ARHGEF4: variants seen among roughly 807,000 people sequenced by gnomAD.
ARHGEF4 encodes APC-stimulated guanine nucleotide exchange factor 1.
Under a neutral mutation model 162.0 loss-of-function variants are expected in ARHGEF4, and 119 were observed. That is an observed-to-expected ratio of 0.73 (90% CI 0.63 to 0.86). ARHGEF4 has a LOEUF of 0.86. Among genes scored for constraint, ARHGEF4 ranks in the 40% least tolerant of loss-of-function variants. ARHGEF4 has a pLI of 0.00. For synonymous variants in ARHGEF4, 1,014 were observed against 979.9 expected (o/e 1.03, Z -0.65); for missense variants, 2,488 against 2,456.0 (o/e 1.01, Z -0.28).
intron 4 of ARHGEF4, among the ~76,000 whole-genome samples, chr2:131,007,459 C>T (rs1378200434): frequency 6.6e-6 from 1 of 152,102 alleles, no homozygotes; most frequent in Non-Finnish European, 1.5e-5. Flanking sequence ...GTATTTTCCT[C>T]TTTTTTATTC....
chr2:130,912,517 T>G (rs1199392057), intron 1 of ARHGEF4, among the ~76,000 whole-genome samples: 1 of 152,224 alleles, frequency 6.6e-6, no homozygotes, highest in African/African-American at 2.4e-5. Context: ...TTGTTTTCCT[T>G]CTCTCAGTTA....
intron 1 of ARHGEF4, among the ~76,000 whole-genome samples, chr2:130,868,278 G>A (rs192522965): frequency 1.1e-4 from 16 of 152,170 alleles, no homozygotes; most frequent in African/African-American, 3.9e-4. Context: ...TCTCCTGGAC[G>A]TCTTTTCCTT....
At chr2:130,843,298 C>T (rs937172246) in intron 1 of ARHGEF4, among the ~76,000 whole-genome samples, 2 of 152,152 alleles carry the variant, frequency 1.3e-5, no homozygotes, top group African/African-American at 4.8e-5. Flanking sequence ...CAGGGAGCCA[C>T]CTACATCCTT....
At chr2:130,984,670 C>T (rs1431553040) in intron 4 of ARHGEF4, among the ~76,000 whole-genome samples, 2 of 142,680 alleles carry the variant, frequency 1.4e-5, no homozygotes, top group East Asian at 4.2e-4. Context: ...GCCTAGTTGA[C>T]AGAGCAAGGC....
At chr2:130,865,606 C>T (rs1682214484) in intron 1 of ARHGEF4, among the ~76,000 whole-genome samples, 1 of 152,186 alleles carries the variant, frequency 6.6e-6, no homozygotes, top group Admixed American at 6.5e-5. Context: ...CTCAGGACCC[C>T]CTGCGGTGCT....
intron 1 of ARHGEF4, among the ~76,000 whole-genome samples, chr2:130,862,749 T>C (rs1266666419): frequency 2.8e-4 from 15 of 52,834 alleles, no homozygotes; most frequent in East Asian, 1.6e-3. Flanking sequence ...GCACCTGTAA[T>C]CCCAGCTACT....
At chr2:130,977,555 T>C (rs1215057670) in intron 4 of ARHGEF4, among the ~76,000 whole-genome samples, 2 of 151,952 alleles carry the variant, frequency 1.3e-5, no homozygotes, top group African/African-American at 4.8e-5. Flanking sequence ...GTTCTGGGTT[T>C]TGTGTGTTGG....
intron 4 of ARHGEF4, among the ~76,000 whole-genome samples, chr2:130,961,535 A>G (rs1684618294): frequency 6.6e-6 from 1 of 152,170 alleles, no homozygotes. Context: ...AATCAGGCAG[A>G]ACATGCAGCA....
chr2:130,925,263 C>G (rs2105085753), intron 2 of ARHGEF4, among the ~76,000 whole-genome samples: 1 of 151,888 alleles, frequency 6.6e-6, no homozygotes, highest in East Asian at 1.9e-4. Context: ...TAATCAAGAC[C>G]ATGTAGTACT....
Position 130,969,376 on chromosome 2 carries a change from T to C in ARHGEF4, c.3985+22741T>C, listed in dbSNP as rs191546008. 1.1e-4 allele frequency among the ~76,000 whole-genome samples: 16 copies of C among 152,140 alleles called. No homozygotes were observed. The East Asian group carries it at 3.1e-3, about 29-fold the overall frequency. ...ACTTTGGGAGGCCGAGGCAGGTGGA[T>C]CACAAGATCAGGAGAGCGAGACCAT... On this transcript the variant is annotated intron_variant, in intron 4 of 13. Transcript: ENST00000409359.
At chr2:131,034,886 G>T in intron 5 of ARHGEF4, 1 of 766,558 alleles carries the variant, frequency 1.3e-6, no homozygotes, top group Non-Finnish European at 1.6e-6. Flanking sequence ...CGCCGCCGCC[G>T]CCGCCCCCGC....
chr2:131,037,118 G>A (rs903482959), intron 5 of ARHGEF4, among the ~76,000 whole-genome samples: 7 of 152,186 alleles, frequency 4.6e-5, no homozygotes, highest in African/African-American at 9.7e-5. Flanking sequence ...CTGGGACCCC[G>A]TGGAGGCCTC....
chr2:131,043,531 G>T lies in ARHGEF4; in HGVS notation c.5105G>T (p.Ser1702Ile). The T allele has an allele frequency of 6.2e-7, 1 of 1,614,132 alleles. No individual in the cohort carries two copies. Among genetic ancestry groups the T allele is most frequent in the Non-Finnish European group, 8.5e-7 (1 of 1,180,028 alleles). Residue 1702 changes from serine to isoleucine, a missense_variant, in exon 11 of 14, where the codon AGC becomes ATC. This residue lies in a region of ARHGEF4 where 415 missense variants were observed against 512.4 expected (regional missense o/e 0.81). Transcript: ENST00000409359. Reference protein sequence around the residue: ...LTRVTQPQAKSQQRMFFLFDH... With the variant: ...LTRVTQPQAKIQQRMFFLFDH... ...CGAGTTACACAGCCTCAAGCCAAAA[G>T]CCAGCAGCGAATGTTCTTTCTCTTT...
intron 2 of ARHGEF4, 72 bp downstream of exon 2, chr2:130,917,570 C>T: frequency 6.8e-7 from 1 of 1,465,844 alleles, no homozygotes; most frequent in Non-Finnish European, 9.0e-7. Flanking sequence ...AGGCGGGAAT[C>T]TTCCTGAGGG....
At chr2:130,998,389 G>C (rs1055167834) in intron 4 of ARHGEF4, among the ~76,000 whole-genome samples, 4 of 152,110 alleles carry the variant, frequency 2.6e-5, no homozygotes, top group African/African-American at 9.7e-5. Context: ...TATGAGATTT[G>C]ACAAATGTGT....
chr2:131,011,874 G>C (rs563836032), intron 4 of ARHGEF4: 2 of 704,918 alleles, frequency 2.8e-6, no homozygotes, highest in East Asian at 5.4e-5. Context: ...AAGTGTGGGG[G>C]CGGCGGAGGG....
chr2:130,872,066 G>C (rs1678524695), intron 1 of ARHGEF4, among the ~76,000 whole-genome samples: 2 of 152,248 alleles, frequency 1.3e-5, no homozygotes, highest in African/African-American at 4.8e-5. Context: ...GCGCGGTTCA[G>C]GTCAGGGCAG....
Position 130,926,810 on chromosome 2 carries a change from ATTTTTTTTTTTT to A in ARHGEF4, c.3553-4125_3553-4114del, listed in dbSNP as rs55904944. On this transcript the variant is annotated intron_variant, in intron 2 of 13. Transcript: ENST00000409359. ...TAAACCTGAGAGGGACTTCTGGCTG[ATTTTTTTTTTTT>A]TTTTTTTTTTTTTTTTGGTCAGGAG... Among the ~76,000 whole-genome samples the A allele has an allele frequency of 1.6e-4, 8 of 48,954 alleles. 1 individual carries two copies. Among genetic ancestry groups the A allele is most frequent in the Admixed American group, 4.5e-4 (1 of 2,216 alleles). The allele number at this position is 48,954 out of a possible 152,430, so 32.1% of individuals were successfully genotyped here.
intron 4 of ARHGEF4, chr2:131,011,901 C>A (rs963597044): frequency 1.4e-6 from 1 of 702,952 alleles, no homozygotes; most frequent in South Asian, 1.5e-5. Flanking sequence ...ATGGGACCTG[C>A]ACTGGAGGTA....
Sources: allele counts gnomAD v4.1 joint callset (sites outside exome capture counted in the v4.1 genomes callset), GRCh38; gene constraint gnomAD v4.1.1; regional missense constraint gnomAD v4.1.1; transcripts MANE v1.5; gene names NCBI Gene and HGNC (gene_info 2026-07-23, HGNC 2026-07-21).